The following BECN1 variants were observed in gnomAD, a reference collection of about 807,000 sequenced individuals.
BECN1 encodes the protein beclin-1.
A neutral mutation model predicts 60.1 loss-of-function variants in BECN1; 15 were observed. That is an observed-to-expected ratio of 0.25 (90% CI 0.17 to 0.38). The LOEUF (loss-of-function observed/expected upper bound fraction) is 0.38. Among genes scored for constraint, BECN1 ranks in the 10% least tolerant of loss-of-function variants. The pLI is 1.00. For synonymous variants in BECN1, 179 were observed against 201.8 expected, an observed-to-expected ratio of 0.89 and a Z score of 0.96; for missense variants, 424 against 548.2, an observed-to-expected ratio of 0.77 and a Z score of 2.26.
intron 11 of BECN1, 191 bp downstream of exon 11, chr17:42,811,464 C>T: frequency 3.4e-6 from 2 of 586,598 alleles, no homozygotes; most frequent in East Asian, 6.4e-5. Flanking sequence ...TTCTTCTACT[C>T]CAAGGACTAG....
intron 2 of BECN1, among the ~76,000 whole-genome samples, chr17:42,822,570 AT>A (rs1479601594): frequency 6.6e-6 from 1 of 151,768 alleles, no homozygotes; most frequent in East Asian, 1.9e-4. Flanking sequence ...GGGGTTTTTT[AT>A]TTTTTTTAAT....
intron 4 of BECN1, chr17:42,819,258 T>C (rs757326365): frequency 2.1e-6 from 1 of 470,254 alleles, no homozygotes; most frequent in Non-Finnish European, 3.8e-6. Flanking sequence ...ATTTGCTAGT[T>C]TGAAACTTCT....
intron 8 of BECN1, 81 bp from the exon 9 acceptor site, chr17:42,814,754 T>A: frequency 6.5e-7 from 1 of 1,545,804 alleles, no homozygotes; most frequent in Non-Finnish European, 8.8e-7. Flanking sequence ...ACCCCAAACC[T>A]AGCTTAAATC....
rs187559160 is a variant in BECN1, at chr17:42,821,122, C to T, written c.131-281G>A. ...GTCGCCAGGCTGGGGTGCAGTGGCA[C>T]GATCTCGGCTCACTGCAATCTCTGC... On this transcript the variant is annotated intron_variant, in intron 2 of 11. Coordinates refer to ENST00000590099, the MANE Select transcript of BECN1 (RefSeq NM_001313998.2). 2.8e-3 allele frequency among the ~76,000 whole-genome samples: 424 copies of T among 152,284 alleles called. 2 individuals carry two copies. Among genetic ancestry groups the T allele is most frequent in the African/African-American group, 9.3e-3 (387 of 41,530 alleles).
intron 3 of BECN1, among the ~76,000 whole-genome samples, chr17:42,819,878 A>G (rs1298058584): frequency 3.3e-5 from 5 of 152,152 alleles, no homozygotes; most frequent in African/African-American, 1.2e-4. Context: ...GTATGGTTAA[A>G]TTTGCATTTC....
intron 11 of BECN1, chr17:42,811,250 G>T (rs930394484): frequency 6.7e-6 from 2 of 297,954 alleles, no homozygotes; most frequent in African/African-American, 2.2e-5. Flanking sequence ...GGAGGCAGAA[G>T]AAAAGAAATG....
At chr17:42,815,722 C>T (rs752119995) in intron 8 of BECN1, 186 bp downstream of exon 8, 41 of 720,104 alleles carry the variant, frequency 5.7e-5, no homozygotes, top group South Asian at 9.4e-5. Flanking sequence ...TTTAGAAGGG[C>T]GGATGTCACC....
intron 10 of BECN1, chr17:42,812,694 C>G (rs1299151071): frequency 6.6e-6 from 1 of 151,024 alleles, no homozygotes; most frequent in African/African-American, 2.4e-5. Flanking sequence ...GCACTCCAGC[C>G]TGGGTGACAG....
At chr17:42,816,649 CAAAA>C (rs1312388751) in intron 7 of BECN1, among the ~76,000 whole-genome samples, 2 of 77,248 alleles carry the variant, frequency 2.6e-5, no homozygotes, top group Admixed American at 1.6e-4. Context: ...GACTCTGTCT[CAAAA>C]AAAAAAAAAA....
chr17:42,811,771 C>T lies in BECN1; in HGVS notation c.1068G>A (p.Gly356=). 2 of 1,614,088 alleles carry T rather than the reference C, an allele frequency of 1.2e-6. No individual in the cohort carries two copies. The highest frequency in any genetic ancestry group is 1.1e-5 in the South Asian group (1 of 91,066). The change falls in exon 11 of 12, where the codon GGG becomes GGA. Residue 356 remains glycine (G), a synonymous_variant. Coordinates refer to ENST00000590099, the MANE Select transcript of BECN1 (RefSeq NM_001313998.2). Reference sequence around the variant, plus strand: ...ACTTGTTGTCCCAGAAAAACCGCAACCCCCCAGAACAGTATAACGGCAGCT... The same window carrying T: ...ACTTGTTGTCCCAGAAAAACCGCAATCCCCCAGAACAGTATAACGGCAGCT... The part of the protein sequence containing the change: ...SKELPLYCSG[G]LRFFWDNKFD...
At chr17:42,816,807 C>T (rs2055156755) in intron 7 of BECN1, among the ~76,000 whole-genome samples, 2 of 146,070 alleles carry the variant, frequency 1.4e-5, no homozygotes, top group Non-Finnish European at 3.0e-5. Context: ...TCCGTCTCTA[C>T]TAAAAAAATA....
rs1292225282 is a variant in BECN1 at position 42,819,614 on chromosome 17, G to T, written c.199-5C>A. On this transcript the variant is annotated splice_polypyrimidine_tract_variant and splice_region_variant and intron_variant, in intron 3 of 11. Transcript: ENST00000590099. The stretch of plus-strand genomic sequence containing the variant: ...AGGAGTTTCAATAAATGGCTCCTGG[G>T]AAAGAAATAAGAGGGCATTACAACT... 6.2e-7 allele frequency: 1 copy of T among 1,613,136 alleles called. No homozygotes were observed. The highest frequency in any genetic ancestry group is 1.7e-5 in the Admixed American group (1 of 59,876).
intron 10 of BECN1, chr17:42,812,826 CTTTTTTTTTT>C (rs753997510): frequency 2.1e-4 from 20 of 97,168 alleles, no homozygotes; most frequent in African/African-American, 8.1e-4. Flanking sequence ...GATACCTTTG[CTTTTTTTTTT>C]TTTTTTTTTT....
chr17:42,815,085 C>T (rs564980566), intron 8 of BECN1: 8 of 176,360 alleles, frequency 4.5e-5, no homozygotes, highest in Non-Finnish European at 9.6e-5. Flanking sequence ...CCATCATTCA[C>T]GAATACAAGT....
Position 42,816,010 on chromosome 17 carries a change from A to G in BECN1, c.728T>C (p.Leu243Pro), listed in dbSNP as rs942107521. The part of the protein sequence containing the change: ...YSEFKRQQLE[L>P]DDELKSVENQ... ...TTCAACACTCTTCAGCTCATCATCC[A>G]GCTCCAGCTGCTGTCGTTTAAATTC... Residue 243 changes from leucine to proline, a missense_variant, in exon 8 of 12, where the codon CTG becomes CCG. Transcript: ENST00000590099. 6.2e-7 allele frequency: 1 copy of G among 1,611,982 alleles called. No homozygotes were observed. Among genetic ancestry groups the G allele is most frequent in the Non-Finnish European group, 8.5e-7 (1 of 1,178,970 alleles).
chr17:42,818,313 C>A lies in BECN1; in HGVS notation c.591G>T (p.Glu197Asp), dbSNP rs781077880. 62 of 1,614,108 alleles carry A rather than the reference C, an allele frequency of 3.8e-5. No individual in the cohort carries two copies. Among genetic ancestry groups the A allele is most frequent in the Middle Eastern group, 1.6e-4 (1 of 6,084 alleles). Reference protein sequence around the residue: ...LALEEERLIQELEDVEKNRKI... With the variant: ...LALEEERLIQDLEDVEKNRKI... ...TGCGGTTCTTTTCCACGTCTTCCAG[C>A]TCCTGGATCAGCCTCTCCTCCTCTA... The change falls in exon 7 of 12, where the codon GAG (glutamate) becomes GAT (aspartate). Residue 197 changes from glutamate to aspartate, a missense_variant. By Grantham distance (45) the Glu-to-Asp change is conservative (BLOSUM62 2). Transcript: ENST00000590099.
In BECN1 at chr17:42,821,935, G is replaced by A. The variant is rs546697807; in HGVS notation, c.131-1094C>T. 4.6e-5 allele frequency among the ~76,000 whole-genome samples: 7 copies of A among 152,280 alleles called. 1 individual carries two copies. Among genetic ancestry groups the A allele is most frequent in the East Asian group, 1.9e-4 (1 of 5,188 alleles). The stretch of plus-strand genomic sequence containing the variant: ...GTTATTAAAAGAGTTTAAGAGGCGC[G>A]GTGGCTCACGCCTGTAGTCCCAGCA... On this transcript the variant is annotated intron_variant, in intron 2 of 11. Coordinates refer to ENST00000590099, the MANE Select transcript of BECN1 (RefSeq NM_001313998.2).
In BECN1 at chr17:42,817,002, T is replaced by G. The variant is rs115298453; in HGVS notation, c.684-948A>C. Among the ~76,000 whole-genome samples the G allele has an allele frequency of 9.1e-3, 1,375 of 150,860 alleles. 18 individuals carry two copies. The highest frequency in any genetic ancestry group is 0.031 in the African/African-American group (1,269 of 41,056). On this transcript the variant is annotated intron_variant, in intron 7 of 11. Coordinates refer to ENST00000590099, the MANE Select transcript of BECN1 (RefSeq NM_001313998.2). ...AACCAAAATCAAAAACAAAAAACAG[T>G]GGCTTTTTCCAGCTGGCCATGGTGG...
rs1196243420 is a variant in BECN1, at chr17:42,810,239, C to T, written c.*521G>A. Reference sequence around the variant, plus strand: ...TCATATCTCTAACACAGAGCAGAGTCGGCATTCAGTATAAGAACCAAGTGA... The same window carrying T: ...TCATATCTCTAACACAGAGCAGAGTTGGCATTCAGTATAAGAACCAAGTGA... On this transcript the variant is annotated 3_prime_UTR_variant, in exon 12 of 12. Transcript: ENST00000590099. 1.3e-5 allele frequency: 2 copies of T among 152,930 alleles called. No homozygotes were observed. The highest frequency in any genetic ancestry group is 2.1e-4 in the South Asian group (1 of 4,826). The allele number at this position is 152,930 out of a possible 1,614,324, so 9.5% of individuals were successfully genotyped here.
Sources: allele counts gnomAD v4.1 joint callset (sites outside exome capture counted in the v4.1 genomes callset), GRCh38; gene constraint gnomAD v4.1.1; transcripts MANE v1.5; gene names NCBI Gene and HGNC (gene_info 2026-07-23, HGNC 2026-07-21).